PDE4D: variants seen among roughly 807,000 people sequenced by gnomAD.
PDE4D encodes phosphodiesterase 4D.
PDE4D carries 24 observed loss-of-function variants against 87.4 expected under a neutral mutation model. The observed-to-expected ratio is 0.27, with a 90% confidence interval of 0.20 to 0.39. The LOEUF (loss-of-function observed/expected upper bound fraction) is 0.39, where lower values mean the gene tolerates loss of function less well. Among genes scored for constraint, PDE4D ranks in the 10% least tolerant of loss-of-function variants. PDE4D has a pLI of 1.00. For missense variants in PDE4D, 714 were observed against 1,041.0 expected, an observed-to-expected ratio of 0.69 and a Z score of 4.32; for synonymous variants, 384 against 383.2, an observed-to-expected ratio of 1.00 and a Z score of -0.02.
chr5:59,357,294 A>C (rs1422595796), intron 1 of PDE4D, among the ~76,000 whole-genome samples: 1 of 152,234 alleles, frequency 6.6e-6, no homozygotes, highest in African/African-American at 2.4e-5. Flanking sequence ...CTTCGTTAAA[A>C]AATTTTAAAA....
At chr5:60,517,710 C>G (rs915914307) in intron 1 of PDE4D, among the ~76,000 whole-genome samples, 1 of 152,214 alleles carries the variant, frequency 6.6e-6, no homozygotes, top group Non-Finnish European at 1.5e-5. Context: ...AGGAGCTACC[C>G]ACTTCAGGTC....
intron 3 of PDE4D, among the ~76,000 whole-genome samples, chr5:59,913,604 CTAAA>C (rs1192040326): frequency 1.3e-5 from 2 of 152,056 alleles, no homozygotes; most frequent in Non-Finnish European, 2.9e-5. Flanking sequence ...ATTAAAGATA[CTAAA>C]TAGTCATGGT....
intron 5 of PDE4D, among the ~76,000 whole-genome samples, chr5:59,144,794 C>G (rs1778363488): frequency 6.8e-6 from 1 of 147,716 alleles, no homozygotes. Flanking sequence ...GCCAAAATAT[C>G]AGCCTAGTTA....
rs113790457 is a variant in PDE4D at position 60,203,238 on chromosome 5, A to C, written c.-89-17551T>G. ...TACCCGCCTCCACCTCCCAAAGTGC[A>C]GGGATTACAGGCATGAGCCACCATG... is the stretch of plus-strand genomic sequence containing the variant. On this transcript the variant is annotated intron_variant, in intron 1 of 16. Transcript: ENST00000502484. Among the ~76,000 whole-genome samples the C allele has an allele frequency of 3.9e-4, 60 of 152,268 alleles. 1 individual carries two copies. The highest frequency in any genetic ancestry group is 1.4e-3 in the African/African-American group (59 of 41,554).
intron 11 of PDE4D, among the ~76,000 whole-genome samples, chr5:58,979,947 C>T (rs558158433): frequency 6.6e-6 from 1 of 152,276 alleles, no homozygotes; most frequent in South Asian, 2.1e-4. Context: ...CCCCTAGGCA[C>T]TTCAATTATT....
At chr5:60,402,929 A>G (rs1184762187) in intron 1 of PDE4D, among the ~76,000 whole-genome samples, 1 of 152,216 alleles carries the variant, frequency 6.6e-6, no homozygotes, top group Non-Finnish European at 1.5e-5. Flanking sequence ...GCCACCTTCC[A>G]AAGCCATCCA....
chr5:59,972,916 AGAT>A (rs764648098), intron 3 of PDE4D, among the ~76,000 whole-genome samples: 5 of 152,234 alleles, frequency 3.3e-5, no homozygotes, highest in East Asian at 1.9e-4. Context: ...TATTTCACTG[AGAT>A]GAATACTTAG....
chr5:59,462,968 G>C (rs1205217577), intron 1 of PDE4D, among the ~76,000 whole-genome samples: 2 of 151,784 alleles, frequency 1.3e-5, no homozygotes, highest in Non-Finnish European at 2.9e-5. Flanking sequence ...TTCATACTGA[G>C]AGACCCCTCT....
intron 1 of PDE4D, among the ~76,000 whole-genome samples, chr5:60,495,522 T>G (rs1749766166): frequency 6.6e-6 from 1 of 152,192 alleles, no homozygotes; most frequent in Non-Finnish European, 1.5e-5. Context: ...TAAGAATCAT[T>G]GAGATAGTGC....
chr5:59,273,880 G>A (rs558951744), intron 1 of PDE4D, among the ~76,000 whole-genome samples: 1 of 152,200 alleles, frequency 6.6e-6, no homozygotes, highest in African/African-American at 2.4e-5. Flanking sequence ...CTCATCTCCT[G>A]AAATGAACAA....
At chr5:59,890,254 TACACACACACACACACACACAC>T (rs56258601) in intron 1 of PDE4D, among the ~76,000 whole-genome samples, 3,955 of 145,452 alleles carry the variant, frequency 0.027, 183 homozygotes, top group African/African-American at 0.093. Flanking sequence ...GGTGCGCACG[TACACACACACACACACACACAC>T]ACACACACAC....
chr5:59,110,271 T>C (rs1168868444), intron 5 of PDE4D, among the ~76,000 whole-genome samples: 1 of 152,200 alleles, frequency 6.6e-6, no homozygotes. Context: ...ATCACCTTTC[T>C]GAGACTGCTT....
intron 1 of PDE4D, among the ~76,000 whole-genome samples, chr5:60,432,185 A>G (rs546759840): frequency 2.0e-5 from 3 of 152,286 alleles, no homozygotes; most frequent in East Asian, 1.9e-4. Context: ...TTTTGCATCT[A>G]TGTTCATCAA....
At chr5:60,237,693 C>A (rs774969682) in intron 1 of PDE4D, among the ~76,000 whole-genome samples, 3 of 151,322 alleles carry the variant, frequency 2.0e-5, no homozygotes, top group Non-Finnish European at 3.0e-5. Context: ...TGTTCTGAAT[C>A]TTGATTGAAG....
intron 1 of PDE4D, among the ~76,000 whole-genome samples, chr5:60,395,038 C>T (rs36043303): frequency 0.11 from 16,333 of 152,160 alleles, 1,366 homozygotes; most frequent in East Asian, 0.4. Context: ...GTGACCCACC[C>T]GAGCCTAGAT....
chr5:59,620,936 A>T (rs536442838), intron 1 of PDE4D, among the ~76,000 whole-genome samples: 1 of 152,308 alleles, frequency 6.6e-6, no homozygotes, highest in South Asian at 2.1e-4. Context: ...TAAAAAGATA[A>T]ATGGAACAAG....
At chr5:59,687,417 C>A (rs1438695410) in intron 1 of PDE4D, among the ~76,000 whole-genome samples, 2 of 152,062 alleles carry the variant, frequency 1.3e-5, no homozygotes, top group Non-Finnish European at 2.9e-5. Flanking sequence ...GAGTGGGGGC[C>A]AATATTCAAC....
chr5:59,940,809 G>A (rs2152797925), intron 3 of PDE4D, among the ~76,000 whole-genome samples: 1 of 152,156 alleles, frequency 6.6e-6, no homozygotes, highest in African/African-American at 2.4e-5. Flanking sequence ...GAAAAAATAG[G>A]TGGATCTATG....
chr5:59,124,920 T>C (rs1326234848), intron 5 of PDE4D, among the ~76,000 whole-genome samples: 1 of 152,220 alleles, frequency 6.6e-6, no homozygotes, highest in Non-Finnish European at 1.5e-5. Flanking sequence ...AATGTTTGTT[T>C]GTTCTAGGTT....
Sources: allele counts gnomAD v4.1 joint callset (sites outside exome capture counted in the v4.1 genomes callset), GRCh38; gene constraint gnomAD v4.1.1; transcripts MANE v1.5; gene names NCBI Gene and HGNC (gene_info 2026-07-23, HGNC 2026-07-21).